TPX2: variants seen among roughly 807,000 people sequenced by gnomAD.
TPX2 encodes targeting protein for Xklp2.
A neutral mutation model predicts 93.6 loss-of-function variants in TPX2; 21 were observed. The observed-to-expected ratio is 0.22, with a 90% confidence interval of 0.16 to 0.32. The LOEUF (loss-of-function observed/expected upper bound fraction) is 0.32, where lower values mean the gene tolerates loss of function less well. Ranked by LOEUF, TPX2 falls within the 10% of genes least tolerant of loss-of-function variation. The pLI, the probability that TPX2 is intolerant of heterozygous loss-of-function variation, is 1.00. For missense variants in TPX2, 776 were observed against 871.1 expected (o/e 0.89, Z 1.37); for synonymous variants, 281 against 298.3 (o/e 0.94, Z 0.60).
intron 12 of TPX2, among the ~76,000 whole-genome samples, chr20:31,787,623 T>A (rs1023140580): frequency 5.9e-5 from 9 of 151,950 alleles, no homozygotes; most frequent in Non-Finnish European, 8.8e-5. Context: ...GGGTGGATAG[T>A]GGGGAAAGGG....
chr20:31,777,054 G>A (rs1362328082), intron 8 of TPX2, among the ~76,000 whole-genome samples: 2 of 152,168 alleles, frequency 1.3e-5, no homozygotes, highest in African/African-American at 4.8e-5. Flanking sequence ...GTTGTTATTG[G>A]TGGAGTCATA....
In TPX2 at chr20:31,778,960, T is replaced by C. The variant is rs201500640; in HGVS notation, c.1030T>C (p.Leu344=). ...TAAACGAACCCCTAACAGATATCAT[T>C]TGAGGAGCAAGAAGGATGATATTAG... ...FHKRTPNRYH[L]RSKKDDINLL... The change falls in exon 10 of 18, where the codon TTG becomes CTG. Residue 344 remains leucine, a synonymous_variant. Coordinates refer to ENST00000300403, the MANE Select transcript of TPX2 (RefSeq NM_012112.5). 2.4e-5 allele frequency: 38 copies of C among 1,599,914 alleles called. No homozygotes were observed. The highest frequency in any genetic ancestry group is 3.2e-5 in the Non-Finnish European group (38 of 1,175,844).
chr20:31,783,865 G>A lies in TPX2; in HGVS notation c.1357G>A (p.Glu453Lys), dbSNP rs142374319. The A allele has an allele frequency of 2.8e-5, 45 of 1,609,360 alleles. No homozygotes were observed. Among genetic ancestry groups the A allele is most frequent in the South Asian group, 3.3e-5 (3 of 89,708 alleles). Residue 453 changes from glutamate (E) to lysine (K), a missense_variant, in exon 12 of 18, where the codon GAA becomes AAA. By Grantham distance (56) the Glu-to-Lys change is moderately conservative. Transcript: ENST00000300403. ...ERESKKKTED[E>K]HFEFHSRPCP... ...AGAATCAAAGAAGAAAACAGAGGAT[G>A]AACACTTTGAATTTCATTCCAGACC... is the stretch of plus-strand genomic sequence containing the variant.
At chr20:31,791,156 C>T (rs1218704163) in intron 12 of TPX2, among the ~76,000 whole-genome samples, 1 of 151,940 alleles carries the variant, frequency 6.6e-6, no homozygotes, top group East Asian at 1.9e-4. Context: ...AGGAGGGTAC[C>T]AGATTAATGC....
At position 31,801,376 on chromosome 20, in the gene TPX2, G is replaced by T; in HGVS notation, c.*296G>T. 3.3e-6 allele frequency: 1 copy of T among 298,764 alleles called. No homozygotes were observed. The highest frequency in any genetic ancestry group is 2.1e-5 in the African/African-American group (1 of 46,760). The allele number at this position is 298,764 out of a possible 1,614,324, so 18.5% of individuals were successfully genotyped here. A position where few individuals can be genotyped will look rare whatever the true frequency, so the allele number is the denominator to read the frequency against. On this transcript the variant is annotated 3_prime_UTR_variant, in exon 18 of 18. Coordinates refer to ENST00000300403, the MANE Select transcript of TPX2 (RefSeq NM_012112.5). ...TTTATATGGGTCTTCACTCTGACTA[G>T]AATTTAGTCTCTGTGTCAGCACAGT...
intron 17 of TPX2, among the ~76,000 whole-genome samples, chr20:31,799,989 G>A (rs1383111942): frequency 1.3e-5 from 2 of 151,162 alleles, no homozygotes; most frequent in African/African-American, 4.9e-5. Flanking sequence ...GCTCACACCT[G>A]TAATCCTCAC....
Position 31,782,453 on chromosome 20 carries a change from C to T in TPX2, c.1196+63C>T. 3.3e-6 allele frequency: 5 copies of T among 1,533,478 alleles called. No homozygotes were observed. In the South Asian group the frequency reaches 6.4e-5, roughly 20 times the overall value. 95.0% of individuals were successfully genotyped at this position (1,533,478 alleles called of 1,614,324 possible). Reference sequence around the variant, plus strand: ...GAACCTGCCTACTTTATTTTCAGTTCTGTTAGGGTGACAGTTGCTATTTTT... The same window carrying T: ...GAACCTGCCTACTTTATTTTCAGTTTTGTTAGGGTGACAGTTGCTATTTTT... On this transcript the variant is annotated intron_variant, in intron 11 of 17. Transcript: ENST00000300403.
chr20:31,768,368 T>A (rs904937555), intron 5 of TPX2, among the ~76,000 whole-genome samples: 7 of 151,342 alleles, frequency 4.6e-5, no homozygotes, highest in African/African-American at 1.7e-4. Flanking sequence ...CCTGAGTAGC[T>A]GGGACTACAG....
At chr20:31,792,931 C>CT in intron 13 of TPX2, 101 bp downstream of exon 13, 1 of 1,044,538 alleles carries the variant, frequency 9.6e-7, no homozygotes, top group Non-Finnish European at 1.5e-6. Flanking sequence ...GGCAACCACT[C>CT]TTTTTTGGAC....
chr20:31,776,618 C>T (rs1324438031), intron 8 of TPX2, among the ~76,000 whole-genome samples: 2 of 151,754 alleles, frequency 1.3e-5, no homozygotes, highest in African/African-American at 2.4e-5. Flanking sequence ...CTCTGCCTCC[C>T]GGGTTCAAGC....
chr20:31,769,345 G>A (rs1180069348), intron 5 of TPX2, among the ~76,000 whole-genome samples: 5 of 143,884 alleles, frequency 3.5e-5, no homozygotes, highest in Non-Finnish European at 7.5e-5. Context: ...TCAAGGCGGA[G>A]TCTCGCTCTG....
intron 7 of TPX2, 125 bp from the exon 8 acceptor site, chr20:31,775,742 T>C: frequency 3.2e-6 from 3 of 943,156 alleles, no homozygotes; most frequent in Admixed American, 4.2e-5. Context: ...TATTAGATGA[T>C]ATTTTTTGGT....
At chr20:31,799,702 C>T (rs1207233974) in intron 17 of TPX2, among the ~76,000 whole-genome samples, 1 of 150,606 alleles carries the variant, frequency 6.6e-6, no homozygotes, top group African/African-American at 2.4e-5. Flanking sequence ...GAGTTGGAGA[C>T]CAGCCTGGCC....
chr20:31,800,685 G>A (rs1007877663), intron 17 of TPX2, among the ~76,000 whole-genome samples: 7 of 152,300 alleles, frequency 4.6e-5, no homozygotes, highest in Non-Finnish European at 8.8e-5. Flanking sequence ...ACAGGACATA[G>A]GTTTGGCATT....
At position 31,782,889 on chromosome 20, in the gene TPX2, T is replaced by TACACACACACAC. The variant is rs71926112; in HGVS notation, c.1196+531_1196+542dup. The stretch of plus-strand genomic sequence containing the variant: ...CGAGACTGTCTTGCACATACACACA[T>TACACACACACAC]ACACACACACACACACACACACACA... On this transcript the variant is annotated intron_variant, in intron 11 of 17. Transcript: ENST00000300403. Among the ~76,000 whole-genome samples the TACACACACACAC allele has an allele frequency of 1.2e-4, 17 of 142,754 alleles. 1 individual carries two copies. Among genetic ancestry groups the TACACACACACAC allele is most frequent in the South Asian group, 6.9e-4 (3 of 4,332 alleles). The allele number at this position is 142,754 out of a possible 152,430, so 93.7% of individuals were successfully genotyped here. A position where few individuals can be genotyped will look rare whatever the true frequency, so the allele number is the denominator to read the frequency against.
chr20:31,746,726 C>T (rs1184462815), intron 2 of TPX2, among the ~76,000 whole-genome samples: 1 of 152,002 alleles, frequency 6.6e-6, no homozygotes, highest in African/African-American at 2.4e-5. Flanking sequence ...GAACCTGCAC[C>T]TTTTGATTTA....
intron 4 of TPX2, among the ~76,000 whole-genome samples, chr20:31,763,433 G>A (rs1039759772): frequency 6.6e-6 from 1 of 152,072 alleles, no homozygotes; most frequent in Non-Finnish European, 1.5e-5. Context: ...ACCTGCCTCG[G>A]CCTCTGAAAG....
At chr20:31,769,374 A>G (rs1417929305) in intron 5 of TPX2, among the ~76,000 whole-genome samples, 2 of 145,522 alleles carry the variant, frequency 1.4e-5, no homozygotes, top group Non-Finnish European at 3.0e-5. Context: ...GCTGGAGTGC[A>G]GTGGTGCGAT....
At chr20:31,761,763 A>G (rs1464095425) in intron 4 of TPX2, among the ~76,000 whole-genome samples, 2 of 152,182 alleles carry the variant, frequency 1.3e-5, no homozygotes, top group Non-Finnish European at 2.9e-5. Flanking sequence ...CTTTTTGGAT[A>G]TATACCCAGT....
Sources: gnomAD v4.1 joint callset for allele counts (sites outside exome capture counted in the v4.1 genomes callset) on GRCh38, gnomAD v4.1.1 for gene constraint, MANE v1.5 for transcripts, NCBI Gene and HGNC (gene_info 2026-07-23, HGNC 2026-07-21) for gene names.